The following RSRC1 variants were observed in gnomAD, a reference collection of about 807,000 sequenced individuals.
RSRC1 encodes the protein arginine and serine rich coiled-coil 1, also known as serine/Arginine-related protein 53.
In RSRC1, 39 loss-of-function variants were observed where a neutral mutation model predicts 49.1. That is an observed-to-expected ratio of 0.79 (90% confidence interval 0.61 to 1.04). RSRC1 has a LOEUF of 1.04. Ranked by LOEUF, RSRC1 falls within the 50% of genes least tolerant of loss-of-function variation. The pLI is 0.00. For synonymous variants in RSRC1, 143 were observed against 130.8 expected, an observed-to-expected ratio of 1.09 and a Z score of -0.63; for missense variants, 388 against 402.4, an observed-to-expected ratio of 0.96 and a Z score of 0.31.
chr3:158,455,616 C>A (rs1737268560), intron 6 of RSRC1, among the ~76,000 whole-genome samples: 1 of 152,090 alleles, frequency 6.6e-6, no homozygotes, highest in African/African-American at 2.4e-5. Context: ...TGCAGCTGTT[C>A]TTCTGATCTC....
At chr3:158,452,596 C>G (rs934604794) in intron 6 of RSRC1, among the ~76,000 whole-genome samples, 1 of 152,044 alleles carries the variant, frequency 6.6e-6, no homozygotes, top group Admixed American at 6.6e-5. Context: ...TTGTGAAATG[C>G]CATAGTGTCT....
chr3:158,425,290 C>G (rs1578461579), intron 6 of RSRC1, among the ~76,000 whole-genome samples: 1 of 152,120 alleles, frequency 6.6e-6, no homozygotes, highest in South Asian at 2.1e-4. Context: ...TCTTTGTTCT[C>G]GTTGATTTCA....
chr3:158,369,891 T>G (rs1731973407), intron 6 of RSRC1, among the ~76,000 whole-genome samples: 1 of 152,048 alleles, frequency 6.6e-6, no homozygotes, highest in South Asian at 2.1e-4. Flanking sequence ...TCAAATAATT[T>G]CTGGCAACAA....
chr3:158,456,933 G>A (rs4679829), intron 6 of RSRC1, among the ~76,000 whole-genome samples: 146,343 of 152,268 alleles, frequency 0.96, 70,339 homozygotes, highest in East Asian at 1. Context: ...AGGGGTGTGC[G>A]TGTGTGTGTA....
chr3:158,131,490 G>C (rs1307781791), intron 3 of RSRC1, among the ~76,000 whole-genome samples: 2 of 152,082 alleles, frequency 1.3e-5, no homozygotes, highest in African/African-American at 4.8e-5. Context: ...AAATAATGTG[G>C]ATATGTTCAT....
intron 7 of RSRC1, among the ~76,000 whole-genome samples, chr3:158,508,949 T>C (rs1361792847): frequency 1.3e-5 from 2 of 152,180 alleles, no homozygotes; most frequent in Non-Finnish European, 2.9e-5. Flanking sequence ...CTGTTGGTTG[T>C]CTTTTTTACT....
At chr3:158,466,570 G>A (rs1032773572) in intron 7 of RSRC1, among the ~76,000 whole-genome samples, 1 of 152,246 alleles carries the variant, frequency 6.6e-6, no homozygotes, top group Non-Finnish European at 1.5e-5. Context: ...ACAATCTAAG[G>A]AATCAATTGT....
intron 4 of RSRC1, among the ~76,000 whole-genome samples, chr3:158,289,454 A>G (rs1199771106): frequency 6.6e-6 from 1 of 152,218 alleles, no homozygotes; most frequent in Non-Finnish European, 1.5e-5. Flanking sequence ...AAACTAAAGG[A>G]TCTTAAAAAG....
At chr3:158,272,972 A>G (rs1032863689) in intron 4 of RSRC1, among the ~76,000 whole-genome samples, 7 of 152,072 alleles carry the variant, frequency 4.6e-5, no homozygotes, top group African/African-American at 1.2e-4. Flanking sequence ...AAAATGGTAT[A>G]TATAAGAATA....
In RSRC1 at chr3:158,202,562, T is replaced by TTATATGTATATA. The variant is rs1553768416; in HGVS notation, c.321-505_321-504insGTATATATATAT. On this transcript the variant is annotated intron_variant, in intron 3 of 9. Coordinates refer to ENST00000611884, the MANE Select transcript of RSRC1 (RefSeq NM_001271838.2). ...TCTGTAGGGTTGTCAGTCTGGTAGA[T>TTATATGTATATA]TATATATATATATATATATGTTTTA... 4.3e-5 allele frequency among the ~76,000 whole-genome samples: 4 copies of TTATATGTATATA among 92,024 alleles called. 1 individual carries two copies. The highest frequency in any genetic ancestry group is 2.1e-4 in the African/African-American group (4 of 18,896). The allele number at this position is 92,024 out of a possible 152,430, so 60.4% of individuals were successfully genotyped here.
intron 7 of RSRC1, among the ~76,000 whole-genome samples, chr3:158,478,959 A>AC (rs956747242): frequency 2.0e-5 from 3 of 150,850 alleles, no homozygotes; most frequent in Admixed American, 6.6e-5. Context: ...AAAAAAAAAA[A>AC]AAAAAACCTT....
intron 6 of RSRC1, among the ~76,000 whole-genome samples, chr3:158,417,885 A>G (rs1182837939): frequency 2.0e-5 from 3 of 151,834 alleles, no homozygotes; most frequent in Non-Finnish European, 4.4e-5. Context: ...TAATTAGTCA[A>G]GAAAGGAGAA....
At position 158,230,604 on chromosome 3, in the gene RSRC1, A is replaced by G. The variant is rs557563816; in HGVS notation, c.494+27359A>G. 2.6e-5 allele frequency among the ~76,000 whole-genome samples: 4 copies of G among 152,288 alleles called. No homozygotes were observed. In the East Asian group the frequency reaches 5.8e-4, roughly 22 times the overall value. ...CAATTTTAGGAAGTTTATTATTCAT[A>G]GTCTGTATACATACTGTCTTATTAG... On this transcript the variant is annotated intron_variant, in intron 4 of 9. Transcript: ENST00000611884.
intron 7 of RSRC1, among the ~76,000 whole-genome samples, chr3:158,494,561 A>C (rs991270286): frequency 7.2e-5 from 11 of 152,192 alleles, no homozygotes; most frequent in Admixed American, 5.2e-4. Context: ...TTACTTTATA[A>C]ACTTTAAATT....
At chr3:158,367,095 A>G (rs1380548032) in intron 6 of RSRC1, among the ~76,000 whole-genome samples, 2 of 152,204 alleles carry the variant, frequency 1.3e-5, no homozygotes, top group Non-Finnish European at 2.9e-5. Flanking sequence ...GCAAACAGCA[A>G]CAATTTGACT....
chr3:158,320,605 C>T (rs940038976), intron 5 of RSRC1, among the ~76,000 whole-genome samples: 9 of 151,984 alleles, frequency 5.9e-5, no homozygotes, highest in Non-Finnish European at 1.0e-4. Flanking sequence ...CAATAATTCC[C>T]AACCTGGCTG....
chr3:158,244,772 G>C (rs1377579374), intron 4 of RSRC1, among the ~76,000 whole-genome samples: 1 of 152,058 alleles, frequency 6.6e-6, no homozygotes, highest in Non-Finnish European at 1.5e-5. Flanking sequence ...TTTTGGAGTG[G>C]TAGGCTTTTT....
chr3:158,270,544 C>T (rs973279634), intron 4 of RSRC1, among the ~76,000 whole-genome samples: 2 of 152,064 alleles, frequency 1.3e-5, no homozygotes, highest in African/African-American at 4.8e-5. Context: ...TTGAGCATAC[C>T]ATAATATGCT....
At chr3:158,486,421 C>T (rs1294237576) in intron 7 of RSRC1, among the ~76,000 whole-genome samples, 1 of 152,106 alleles carries the variant, frequency 6.6e-6, no homozygotes, top group African/African-American at 2.4e-5. Flanking sequence ...ATTAGGCAAG[C>T]TTCTTGTTCT....
Sources: allele counts gnomAD v4.1 joint callset (sites outside exome capture counted in the v4.1 genomes callset), GRCh38; gene constraint gnomAD v4.1.1; transcripts MANE v1.5; gene names NCBI Gene and HGNC (gene_info 2026-07-23, HGNC 2026-07-21).